Variants in COL14A1 observed in about 807,000 individuals in gnomAD.
COL14A1 encodes the protein collagen alpha-1(XIV) chain.
A neutral mutation model predicts 230.3 loss-of-function variants in COL14A1; 136 were observed. The observed-to-expected ratio is 0.59, with a 90% confidence interval of 0.51 to 0.68. The LOEUF (loss-of-function observed/expected upper bound fraction) is 0.68. Ranked by LOEUF, COL14A1 falls within the 30% of genes least tolerant of loss-of-function variation. The pLI, the probability that COL14A1 is intolerant of heterozygous loss-of-function variation, is 0.00. For missense variants in COL14A1, 1,976 were observed against 2,215.8 expected (o/e 0.89, Z 2.17); for synonymous variants, 792 against 784.1 (o/e 1.01, Z -0.17).
chr8:120,325,270 G>A (rs780780638), intron 40 of COL14A1, among the ~76,000 whole-genome samples: 3 of 151,808 alleles, frequency 2.0e-5, no homozygotes, highest in Non-Finnish European at 4.4e-5. Context: ...GTGGACTATG[G>A]GTGCATATTA....
In COL14A1 at chr8:120,315,963, G is replaced by T; in HGVS notation, c.4625G>T (p.Gly1542Val). The T allele has an allele frequency of 6.2e-7, 1 of 1,613,936 alleles. No homozygotes were observed. The highest frequency in any genetic ancestry group is 8.5e-7 in the Non-Finnish European group (1 of 1,179,974). ...PGPQGIPGGV[G>V]SPGRDGSPGQ... ...ACACAGGGTATCCCAGGAGGCGTTGGTTCACCAGGACGTGATGGCTCACCA... is the reference window on the plus strand; with the variant it reads ...ACACAGGGTATCCCAGGAGGCGTTGTTTCACCAGGACGTGATGGCTCACCA... Residue 1542 changes from glycine (G) to valine (V), a missense_variant, in exon 40 of 48, where the codon GGT becomes GTT. Gly to Val is a moderately radical substitution (Grantham distance 109, BLOSUM62 -3). This residue lies in a region of COL14A1 where 1,791 missense variants were observed against 2,019.5 expected (regional missense o/e 0.89). Coordinates refer to ENST00000297848, the MANE Select transcript of COL14A1 (RefSeq NM_021110.4).
intron 5 of COL14A1, among the ~76,000 whole-genome samples, chr8:120,192,108 T>A (rs1816847477): frequency 1.3e-5 from 2 of 152,186 alleles, no homozygotes; most frequent in Admixed American, 1.3e-4. Context: ...CTGGTTATTT[T>A]GCTCATTAGT....
chr8:120,278,614 A>G (rs1441228507), intron 28 of COL14A1, 36 bp downstream of exon 28: 3 of 1,580,520 alleles, frequency 1.9e-6, no homozygotes, highest in Non-Finnish European at 2.6e-6. Flanking sequence ...ACCAAATATG[A>G]TGTTAGAATT....
chr8:120,360,702 C>T (rs1414053429), intron 45 of COL14A1, among the ~76,000 whole-genome samples: 1 of 152,158 alleles, frequency 6.6e-6, no homozygotes, highest in Non-Finnish European at 1.5e-5. Flanking sequence ...CTACTTGTTA[C>T]CTATCTGTGT....
intron 40 of COL14A1, among the ~76,000 whole-genome samples, chr8:120,320,023 C>T (rs1821383791): frequency 6.6e-6 from 1 of 152,154 alleles, no homozygotes; most frequent in Non-Finnish European, 1.5e-5. Context: ...ATCCTGTGAT[C>T]TTTGAGCTCC....
intron 42 of COL14A1, among the ~76,000 whole-genome samples, chr8:120,338,306 G>A (rs1822155152): frequency 6.6e-6 from 1 of 152,104 alleles, no homozygotes; most frequent in Non-Finnish European, 1.5e-5. Flanking sequence ...ATCTTCCCTG[G>A]AATAGAAGAC....
intron 1 of COL14A1, among the ~76,000 whole-genome samples, chr8:120,146,997 T>C (rs1020765629): frequency 3.3e-5 from 5 of 152,038 alleles, no homozygotes; most frequent in Admixed American, 3.3e-4. Context: ...TTCATTGTTT[T>C]TTCCCCTCCA....
chr8:120,166,639 G>T (rs774208835), intron 4 of COL14A1, among the ~76,000 whole-genome samples: 1 of 152,170 alleles, frequency 6.6e-6, no homozygotes, highest in Non-Finnish European at 1.5e-5. Flanking sequence ...GACAGCCCAT[G>T]TGTGGGTGGG....
chr8:120,253,419 A>G (rs1240678568), intron 22 of COL14A1, among the ~76,000 whole-genome samples: 4 of 152,044 alleles, frequency 2.6e-5, no homozygotes, highest in Admixed American at 2.6e-4. Flanking sequence ...CCCTTAATAA[A>G]TATATTGAGC....
intron 45 of COL14A1, among the ~76,000 whole-genome samples, chr8:120,363,545 C>A (rs1330900748): frequency 6.6e-6 from 1 of 152,112 alleles, no homozygotes; most frequent in Non-Finnish European, 1.5e-5. Context: ...GTGTAGCAAA[C>A]CTGCACGTTC....
At chr8:120,369,716 C>T (rs1260938264) in intron 47 of COL14A1, among the ~76,000 whole-genome samples, 1 of 152,220 alleles carries the variant, frequency 6.6e-6, no homozygotes, top group East Asian at 1.9e-4. Flanking sequence ...AACAGCACAT[C>T]TAAGTCTTCC....
intron 40 of COL14A1, among the ~76,000 whole-genome samples, chr8:120,322,565 G>C (rs914382529): frequency 2.6e-5 from 4 of 152,164 alleles, no homozygotes; most frequent in African/African-American, 9.6e-5. Context: ...CCCACTGATA[G>C]GCCCCAGTAT....
chr8:120,171,185 A>G (rs981384252), intron 5 of COL14A1, among the ~76,000 whole-genome samples: 1 of 152,162 alleles, frequency 6.6e-6, no homozygotes, highest in Non-Finnish European at 1.5e-5. Context: ...ATTTCCCTAT[A>G]ATACAGAATA....
intron 26 of COL14A1, among the ~76,000 whole-genome samples, chr8:120,270,636 G>A (rs1819640282): frequency 6.6e-6 from 1 of 151,632 alleles, no homozygotes; most frequent in Non-Finnish European, 1.5e-5. Flanking sequence ...GTCAATCAAT[G>A]TCTCTAATTT....
intron 34 of COL14A1, among the ~76,000 whole-genome samples, chr8:120,297,060 C>T (rs56743715): frequency 2.0e-5 from 3 of 151,932 alleles, no homozygotes; most frequent in African/African-American, 7.3e-5. Context: ...TTCAATAAGC[C>T]TTCCTGAGTG....
chr8:120,130,543 T>C (rs1161345970), intron 1 of COL14A1, among the ~76,000 whole-genome samples: 3 of 152,176 alleles, frequency 2.0e-5, no homozygotes, highest in Admixed American at 6.5e-5. Context: ...CAAAAATCAC[T>C]GTGCATTTTA....
intron 26 of COL14A1, among the ~76,000 whole-genome samples, chr8:120,270,470 A>G (rs1417943685): frequency 6.6e-6 from 1 of 151,782 alleles, no homozygotes; most frequent in Non-Finnish European, 1.5e-5. Context: ...GATACATACA[A>G]TATTTTCCCT....
At chr8:120,262,157 T>G (rs1819347673) in intron 23 of COL14A1, among the ~76,000 whole-genome samples, 1 of 151,784 alleles carries the variant, frequency 6.6e-6, no homozygotes, top group African/African-American at 2.4e-5. Flanking sequence ...GAAAATCATA[T>G]CGAATAAAAG....
intron 44 of COL14A1, 121 bp downstream of exon 44, chr8:120,342,567 A>G (rs1385985177): frequency 1.8e-5 from 16 of 904,274 alleles, no homozygotes; most frequent in Non-Finnish European, 2.6e-5. Flanking sequence ...GTGCAGACAC[A>G]TAAGCTTTAC....
Sources: gnomAD v4.1 joint callset for allele counts (sites outside exome capture counted in the v4.1 genomes callset) on GRCh38, gnomAD v4.1.1 for gene constraint, gnomAD v4.1.1 regional missense constraint, MANE v1.5 for transcripts, NCBI Gene and HGNC (gene_info 2026-07-23, HGNC 2026-07-21) for gene names.